ADAMTSL3: variants seen among roughly 807,000 people sequenced by gnomAD.
ADAMTSL3 encodes the protein ADAMTS-like protein 3.
Under a neutral mutation model 201.7 loss-of-function variants are expected in ADAMTSL3, and 128 were observed. That is an observed-to-expected ratio of 0.63 (90% CI 0.55 to 0.73). ADAMTSL3 has a LOEUF of 0.73. ADAMTSL3 is among the 30% of genes least tolerant of loss of function. The pLI, the probability that ADAMTSL3 is intolerant of heterozygous loss-of-function variation, is 0.00. For synonymous variants in ADAMTSL3, 738 were observed against 748.4 expected, an observed-to-expected ratio of 0.99 and a Z score of 0.23; for missense variants, 1,990 against 2,119.6, an observed-to-expected ratio of 0.94 and a Z score of 1.20.
At chr15:83,995,065 A>G (rs2141844775) in intron 23 of ADAMTSL3, among the ~76,000 whole-genome samples, 1 of 152,294 alleles carries the variant, frequency 6.6e-6, no homozygotes, top group African/African-American at 2.4e-5. Flanking sequence ...GAGTTGTCCC[A>G]GGCTGACCCA....
intron 3 of ADAMTSL3, among the ~76,000 whole-genome samples, chr15:83,706,391 T>C (rs1381382714): frequency 1.3e-5 from 2 of 152,110 alleles, no homozygotes; most frequent in Non-Finnish European, 2.9e-5. Flanking sequence ...TCCTAGGACA[T>C]AGTGTTCCAG....
intron 3 of ADAMTSL3, chr15:83,739,688 C>A (rs141664092): frequency 4.0e-6 from 1 of 248,766 alleles, no homozygotes; most frequent in Non-Finnish European, 8.4e-6. Flanking sequence ...TCATGGATTG[C>A]GTCTCCCCTG....
intron 3 of ADAMTSL3, among the ~76,000 whole-genome samples, chr15:83,772,156 C>T (rs2062994776): frequency 6.6e-6 from 1 of 152,088 alleles, no homozygotes; most frequent in Admixed American, 6.6e-5. Context: ...GCCCGGCCTC[C>T]TTTGGCTCTT....
chr15:83,814,525 C>CT (rs1421798437), intron 5 of ADAMTSL3, among the ~76,000 whole-genome samples: 5 of 152,194 alleles, frequency 3.3e-5, no homozygotes, highest in Non-Finnish European at 7.3e-5. Flanking sequence ...TTTCCCGAAT[C>CT]TTATCCTGTT....
At chr15:83,710,144 G>A (rs1210871842) in intron 3 of ADAMTSL3, among the ~76,000 whole-genome samples, 2 of 152,256 alleles carry the variant, frequency 1.3e-5, no homozygotes, top group South Asian at 4.1e-4. Flanking sequence ...ATGCAAGCTC[G>A]AAGCCATTTA....
chr15:84,024,854 A>T (rs2068273641), intron 26 of ADAMTSL3, among the ~76,000 whole-genome samples: 2 of 152,250 alleles, frequency 1.3e-5, no homozygotes, highest in African/African-American at 4.8e-5. Context: ...AGTATCTTGC[A>T]GGGTAAACAA....
At chr15:83,797,604 C>CA (rs1596227603) in intron 4 of ADAMTSL3, among the ~76,000 whole-genome samples, 2 of 151,044 alleles carry the variant, frequency 1.3e-5, no homozygotes, top group Non-Finnish European at 2.9e-5. Flanking sequence ...CTGTCTACCC[C>CA]AAAAAGAAAA....
At chr15:83,694,864 A>G (rs1404147070) in intron 2 of ADAMTSL3, among the ~76,000 whole-genome samples, 8 of 152,224 alleles carry the variant, frequency 5.3e-5, no homozygotes, top group Non-Finnish European at 1.2e-4. Flanking sequence ...AGTGCTGAGC[A>G]CTAAAGAACG....
intron 23 of ADAMTSL3, among the ~76,000 whole-genome samples, chr15:84,001,566 A>C (rs2067792428): frequency 6.6e-6 from 1 of 152,234 alleles, no homozygotes; most frequent in Non-Finnish European, 1.5e-5. Context: ...ACAGAGAATG[A>C]AACTGTGTTT....
chr15:83,955,784 A>G (rs1044287221), intron 19 of ADAMTSL3, among the ~76,000 whole-genome samples: 1 of 151,960 alleles, frequency 6.6e-6, no homozygotes, highest in Non-Finnish European at 1.5e-5. Flanking sequence ...TGTATCCAAG[A>G]TGCAAGACAA....
At chr15:83,845,210 A>G (rs1297290987) in intron 7 of ADAMTSL3, among the ~76,000 whole-genome samples, 1 of 152,226 alleles carries the variant, frequency 6.6e-6, no homozygotes, top group African/African-American at 2.4e-5. Flanking sequence ...GTTCTTGCTT[A>G]GCCTTTAGGG....
chr15:83,961,338 A>G (rs2066965625), intron 19 of ADAMTSL3, among the ~76,000 whole-genome samples: 1 of 152,192 alleles, frequency 6.6e-6, no homozygotes, highest in Non-Finnish European at 1.5e-5. Flanking sequence ...GACAAAGGAG[A>G]TCAAACATAA....
chr15:83,786,088 C>T (rs571254461), intron 4 of ADAMTSL3, among the ~76,000 whole-genome samples: 11 of 151,990 alleles, frequency 7.2e-5, no homozygotes, highest in East Asian at 3.9e-4. Flanking sequence ...GTGATCTGCC[C>T]GCCTCAGCCT....
At chr15:83,924,820 T>G (rs991578101) in intron 17 of ADAMTSL3, among the ~76,000 whole-genome samples, 1 of 152,160 alleles carries the variant, frequency 6.6e-6, no homozygotes, top group African/African-American at 2.4e-5. Context: ...TGACCCCTCT[T>G]CTGCGAGAAG....
chr15:83,801,692 A>ATATATATG (rs1555445626), intron 4 of ADAMTSL3, among the ~76,000 whole-genome samples: 10 of 86,206 alleles, frequency 1.2e-4, no homozygotes, highest in South Asian at 3.7e-4. Flanking sequence ...ATATATATAT[A>ATATATATG]TATGTATGTA....
At position 83,974,863 on chromosome 15, in the gene ADAMTSL3, G is replaced by A. The variant is rs536375098; in HGVS notation, c.2644+4226G>A. 1.4e-4 allele frequency among the ~76,000 whole-genome samples: 22 copies of A among 152,228 alleles called. No homozygotes were observed. The South Asian group carries it at 4.1e-3, about 29-fold the overall frequency. On this transcript the variant is annotated intron_variant, in intron 20 of 29. Coordinates refer to ENST00000286744, the MANE Select transcript of ADAMTSL3 (RefSeq NM_207517.3). Reference sequence around the variant, plus strand: ...ACTGAGATCAGGATGGATTAGGGAAGAGGAACCCAGGCATGCCCTATTTTA... The same window carrying A: ...ACTGAGATCAGGATGGATTAGGGAAAAGGAACCCAGGCATGCCCTATTTTA...
intron 4 of ADAMTSL3, among the ~76,000 whole-genome samples, chr15:83,775,662 A>T (rs2063060611): frequency 6.6e-6 from 1 of 152,136 alleles, no homozygotes; most frequent in African/African-American, 2.4e-5. Context: ...TATTGTTGAG[A>T]GCAGGTATTG....
chr15:83,780,176 G>A (rs1379564077), intron 4 of ADAMTSL3, among the ~76,000 whole-genome samples: 2 of 152,140 alleles, frequency 1.3e-5, no homozygotes, highest in Non-Finnish European at 2.9e-5. Flanking sequence ...TTGGGAGGCT[G>A]AGGCGGGTGG....
At chr15:83,990,596 T>A (rs940467457) in intron 22 of ADAMTSL3, among the ~76,000 whole-genome samples, 4 of 152,132 alleles carry the variant, frequency 2.6e-5, no homozygotes, top group Non-Finnish European at 5.9e-5. Context: ...CCTGTCTTCA[T>A]CAACCCCCTC....
Sources: allele counts gnomAD v4.1 joint callset (sites outside exome capture counted in the v4.1 genomes callset), GRCh38; gene constraint gnomAD v4.1.1; transcripts MANE v1.5; gene names NCBI Gene and HGNC (gene_info 2026-07-23, HGNC 2026-07-21).